Variants in KCNIP4 observed in about 807,000 individuals in gnomAD.
KCNIP4 encodes potassium voltage-gated channel interacting protein 4, also known as Kv channel-interacting protein 4.
In KCNIP4, 12 loss-of-function variants were observed where a neutral mutation model predicts 34.0. That is an observed-to-expected ratio of 0.35 (90% confidence interval 0.23 to 0.57). The LOEUF is 0.57. Ranked by LOEUF, KCNIP4 falls within the 20% of genes least tolerant of loss-of-function variation. The pLI is 0.83. For synonymous variants in KCNIP4, 124 were observed against 102.2 expected, an observed-to-expected ratio of 1.21 and a Z score of -1.29; for missense variants, 238 against 311.7, an observed-to-expected ratio of 0.76 and a Z score of 1.78.
intron 1 of KCNIP4, among the ~76,000 whole-genome samples, chr4:21,075,017 TTC>T (rs1745348428): frequency 6.6e-6 from 1 of 152,220 alleles, no homozygotes; most frequent in African/African-American, 2.4e-5. Context: ...TTGTTACAAT[TTC>T]TGTTCTTTTA....
At chr4:21,393,853 T>C (rs1418162635) in intron 1 of KCNIP4, among the ~76,000 whole-genome samples, 1 of 152,072 alleles carries the variant, frequency 6.6e-6, no homozygotes, top group Non-Finnish European at 1.5e-5. Flanking sequence ...AAAAGACACC[T>C]TAGTAGAGTG....
intron 1 of KCNIP4, among the ~76,000 whole-genome samples, chr4:21,264,402 T>A (rs1458505225): frequency 6.6e-6 from 1 of 152,156 alleles, no homozygotes; most frequent in African/African-American, 2.4e-5. Context: ...CTTACAACAC[T>A]GGCATGGAGA....
intron 3 of KCNIP4, among the ~76,000 whole-genome samples, chr4:20,805,216 TAAAGAGGCAGG>T (rs1714920817): frequency 1.3e-5 from 1 of 77,138 alleles, no homozygotes; most frequent in African/African-American, 5.3e-5. Context: ...TTTTTTTTTT[TAAAGAGGCAGG>T]GTCTTTCTGT....
chr4:21,826,636 T>C (rs1333302985), intron 1 of KCNIP4, among the ~76,000 whole-genome samples: 1 of 152,004 alleles, frequency 6.6e-6, no homozygotes, highest in Non-Finnish European at 1.5e-5. Context: ...AAAGATATGA[T>C]CACATGTGAA....
At chr4:21,382,863 G>A (rs1180723666) in intron 1 of KCNIP4, among the ~76,000 whole-genome samples, 1 of 152,174 alleles carries the variant, frequency 6.6e-6, no homozygotes. Flanking sequence ...TGCCCACAAT[G>A]TTCCAGATAC....
At chr4:20,739,776 C>G (rs905340855) in intron 5 of KCNIP4, among the ~76,000 whole-genome samples, 2 of 152,064 alleles carry the variant, frequency 1.3e-5, no homozygotes, top group Non-Finnish European at 2.9e-5. Context: ...TTCAAAAGAT[C>G]AGTAATAACA....
In KCNIP4 at chr4:21,192,942, ACTACTACTAC is replaced by A. The variant is rs1560797483; in HGVS notation, c.62-310243_62-310234del. On this transcript the variant is annotated intron_variant, in intron 1 of 8. Coordinates refer to ENST00000382152, the MANE Select transcript of KCNIP4 (RefSeq NM_025221.6). ...TACTACTACTACTACTACTACTACTACTACTACTACTAATAATAATAATAATTAGTTGGGT... is the reference window on the plus strand; with the variant it reads ...TACTACTACTACTACTACTACTACTATAATAATAATAATAATTAGTTGGGT... Among the ~76,000 whole-genome samples the A allele has an allele frequency of 4.3e-4, 63 of 145,792 alleles. 1 individual carries two copies. Among genetic ancestry groups the A allele is most frequent in the Admixed American group, 4.2e-3 (61 of 14,436 alleles).
intron 1 of KCNIP4, among the ~76,000 whole-genome samples, chr4:21,436,340 C>T (rs1726943954): frequency 6.6e-6 from 1 of 152,194 alleles, no homozygotes; most frequent in Non-Finnish European, 1.5e-5. Context: ...GATAAAGTTA[C>T]TTAGGTTCCA....
intron 1 of KCNIP4, among the ~76,000 whole-genome samples, chr4:21,070,868 G>A (rs1312362048): frequency 1.3e-5 from 2 of 151,132 alleles, no homozygotes; most frequent in Non-Finnish European, 3.0e-5. Context: ...GTAGAGATGG[G>A]GTTTCACCGT....
intron 2 of KCNIP4, among the ~76,000 whole-genome samples, chr4:20,869,705 G>A (rs1723242639): frequency 6.6e-6 from 1 of 152,072 alleles, no homozygotes; most frequent in Admixed American, 6.6e-5. Flanking sequence ...TTAAGAGATT[G>A]AATTACTGGC....
chr4:21,811,084 C>T (rs893288629), intron 1 of KCNIP4, among the ~76,000 whole-genome samples: 4 of 152,180 alleles, frequency 2.6e-5, no homozygotes, highest in Admixed American at 6.5e-5. Flanking sequence ...AAGACATTTA[C>T]CACATGCTTG....
chr4:21,457,580 G>T (rs1336670849), intron 1 of KCNIP4, among the ~76,000 whole-genome samples: 1 of 151,980 alleles, frequency 6.6e-6, no homozygotes, highest in Non-Finnish European at 1.5e-5. Flanking sequence ...GAAAAGAGTA[G>T]AGGTGTAAGC....
At chr4:21,018,173 T>G (rs553900988) in intron 1 of KCNIP4, among the ~76,000 whole-genome samples, 27 of 152,250 alleles carry the variant, frequency 1.8e-4, no homozygotes, top group Non-Finnish European at 8.8e-5. Context: ...GCTTTCACAC[T>G]CTCTAAAAGC....
intron 1 of KCNIP4, among the ~76,000 whole-genome samples, chr4:21,836,922 T>C (rs1478948517): frequency 1.4e-5 from 2 of 145,158 alleles, no homozygotes; most frequent in African/African-American, 5.2e-5. Flanking sequence ...AAATTTTTTT[T>C]TTTTTTTTTT....
At chr4:21,026,025 G>A (rs1454730807) in intron 1 of KCNIP4, among the ~76,000 whole-genome samples, 2 of 152,104 alleles carry the variant, frequency 1.3e-5, no homozygotes, top group Non-Finnish European at 2.9e-5. Context: ...TTAGTCTAAT[G>A]GCCCTGAAAA....
At chr4:21,065,736 A>C (rs1560690261) in intron 1 of KCNIP4, among the ~76,000 whole-genome samples, 1 of 132,628 alleles carries the variant, frequency 7.5e-6, no homozygotes, top group African/African-American at 2.8e-5. Context: ...CTATATATAT[A>C]TATATATATA....
chr4:21,693,105 C>CT (rs2109047605), intron 1 of KCNIP4, among the ~76,000 whole-genome samples: 1 of 94,954 alleles, frequency 1.1e-5, no homozygotes, highest in Non-Finnish European at 2.4e-5. Flanking sequence ...AGGATCACCT[C>CT]TTCCAGACAG....
chr4:21,273,504 A>AG (rs998181809), intron 1 of KCNIP4, among the ~76,000 whole-genome samples: 3 of 152,184 alleles, frequency 2.0e-5, no homozygotes, highest in Non-Finnish European at 4.4e-5. Flanking sequence ...AATGATGACT[A>AG]GTAAAGGAAT....
rs1560480050 is a variant in KCNIP4, at chr4:21,519,562, GTATATATACACATA to G, written c.61+428995_61+429008del. Among the ~76,000 whole-genome samples, 7 of 46,810 alleles carry G rather than the reference GTATATATACACATA, an allele frequency of 1.5e-4. 3 individuals carry two copies. In the East Asian group the frequency reaches 7.5e-3, roughly 50 times the overall value. 30.7% of individuals were successfully genotyped at this position (46,810 alleles called of 152,430 possible). ...TGTATATACACATATGTGTGTATGT[GTATATATACACATA>G]TGTGTGTGTATGTATGTGTATATAT... On this transcript the variant is annotated intron_variant, in intron 1 of 8. Transcript: ENST00000382152.
Sources: allele counts gnomAD v4.1 joint callset (sites outside exome capture counted in the v4.1 genomes callset), GRCh38; gene constraint gnomAD v4.1.1; transcripts MANE v1.5; gene names NCBI Gene and HGNC (gene_info 2026-07-23, HGNC 2026-07-21).